B3GALT1: variants seen among roughly 807,000 people sequenced by gnomAD.
The protein encoded by B3GALT1 is UDP-Gal:betaGlcNAc beta 1,3-galactosyltransferase, polypeptide 1.
B3GALT1 carries 10 observed loss-of-function variants against 23.2 expected under a neutral mutation model. The observed-to-expected ratio is 0.43, with a 90% CI of 0.27 to 0.73. B3GALT1 has a LOEUF of 0.73. Among genes scored for constraint, B3GALT1 ranks in the 30% least tolerant of loss-of-function variants. The probability of loss-of-function intolerance (pLI) is 0.21; values close to 1 mark genes in which losing one functional copy is unlikely to be tolerated. For synonymous variants in B3GALT1, 156 were observed against 141.5 expected, an observed-to-expected ratio of 1.10 and a Z score of -0.73; for missense variants, 299 against 405.4, an observed-to-expected ratio of 0.74 and a Z score of 2.25.
At chr2:167,391,632 T>C (rs1357680670) in intron 1 of B3GALT1, among the ~76,000 whole-genome samples, 1 of 152,208 alleles carries the variant, frequency 6.6e-6, no homozygotes, top group East Asian at 1.9e-4. Flanking sequence ...TTTTAAAGTT[T>C]CCTGGTTTTA....
At chr2:167,787,024 T>C (rs1688353547) in intron 3 of B3GALT1, among the ~76,000 whole-genome samples, 1 of 152,174 alleles carries the variant, frequency 6.6e-6, no homozygotes, top group Admixed American at 6.5e-5. Flanking sequence ...TTTGATTAAC[T>C]AGAAGTAGGA....
At chr2:167,490,477 G>A (rs533748801) in intron 2 of B3GALT1, among the ~76,000 whole-genome samples, 200 bp downstream of exon 2, 3 of 152,340 alleles carry the variant, frequency 2.0e-5, no homozygotes, top group African/African-American at 7.2e-5. Context: ...TTTGGAGTAG[G>A]ATAATATGTA....
In B3GALT1 at chr2:167,367,540, A is replaced by G. The variant is rs549491650; in HGVS notation, c.-511+74206A>G. ...CATTTTTGAGGATTAAGTGAATAAG[A>G]TATCTTAGAGATTAGTTACAGGTTT... On this transcript the variant is annotated intron_variant, in intron 1 of 4. Coordinates refer to ENST00000392690, the MANE Select transcript of B3GALT1 (RefSeq NM_020981.4). Among the ~76,000 whole-genome samples, 8 of 152,290 alleles carry G rather than the reference A, an allele frequency of 5.3e-5. No individual in the cohort carries two copies. The South Asian group carries it at 1.7e-3, about 32-fold the overall frequency.
At chr2:167,694,035 T>C (rs919869088) in intron 3 of B3GALT1, among the ~76,000 whole-genome samples, 36 of 152,112 alleles carry the variant, frequency 2.4e-4, no homozygotes, top group African/African-American at 8.4e-4. Flanking sequence ...CACTCACATG[T>C]TTGGAAAAGC....
intron 2 of B3GALT1, among the ~76,000 whole-genome samples, chr2:167,629,971 T>A (rs1685410715): frequency 6.6e-6 from 1 of 150,572 alleles, no homozygotes; most frequent in South Asian, 2.1e-4. Flanking sequence ...TATGTAAAAT[T>A]AAGTATTTTC....
chr2:167,806,035 G>A (rs1001573211), intron 3 of B3GALT1, among the ~76,000 whole-genome samples: 7 of 151,994 alleles, frequency 4.6e-5, no homozygotes, highest in African/African-American at 1.2e-4. Flanking sequence ...CCTTGAAGAG[G>A]TCCTTCACAT....
intron 4 of B3GALT1, among the ~76,000 whole-genome samples, chr2:167,860,428 G>T: frequency 6.6e-6 from 1 of 151,910 alleles, no homozygotes; most frequent in East Asian, 1.9e-4. Context: ...GCTGGTTAAT[G>T]TTGGGTTTAT....
intron 3 of B3GALT1, among the ~76,000 whole-genome samples, chr2:167,651,734 GT>G (rs1189396097): frequency 3.9e-5 from 6 of 152,152 alleles, no homozygotes; most frequent in African/African-American, 1.2e-4. Context: ...CTTTTACCAC[GT>G]GCTGAGTTCA....
At chr2:167,689,600 G>A (rs1000065490) in intron 3 of B3GALT1, among the ~76,000 whole-genome samples, 1 of 152,124 alleles carries the variant, frequency 6.6e-6, no homozygotes, top group African/African-American at 2.4e-5. Context: ...GATAGGGGGA[G>A]CCATTTTAAG....
intron 3 of B3GALT1, among the ~76,000 whole-genome samples, chr2:167,730,613 C>G (rs1485381373): frequency 2.0e-5 from 3 of 152,126 alleles, no homozygotes; most frequent in Admixed American, 6.5e-5. Flanking sequence ...GGCTCCAGAC[C>G]CCGTGTCCTT....
intron 3 of B3GALT1, among the ~76,000 whole-genome samples, chr2:167,679,267 T>C (rs1179890519): frequency 6.6e-6 from 1 of 152,174 alleles, no homozygotes; most frequent in African/African-American, 2.4e-5. Context: ...TACAGGCATG[T>C]GCCACCACAC....
chr2:167,851,488 A>G (rs1689886402), intron 4 of B3GALT1, among the ~76,000 whole-genome samples: 1 of 152,180 alleles, frequency 6.6e-6, no homozygotes, highest in African/African-American at 2.4e-5. Context: ...GAGCCATGTT[A>G]TGTCTCCGTC....
At position 167,338,864 on chromosome 2, in the gene B3GALT1, A is replaced by G. The variant is rs141712998; in HGVS notation, c.-511+45530A>G. 1.5e-3 allele frequency among the ~76,000 whole-genome samples: 226 copies of G among 152,260 alleles called. 2 individuals carry two copies. In the East Asian group the frequency reaches 0.018, roughly 12 times the overall value. ...TACATTTAATCAAGAAGTCATTGATATTTAGCATATATAAAAATCCTCCAA... is the reference window on the plus strand; with the variant it reads ...TACATTTAATCAAGAAGTCATTGATGTTTAGCATATATAAAAATCCTCCAA... On this transcript the variant is annotated intron_variant, in intron 1 of 4. Coordinates refer to ENST00000392690, the MANE Select transcript of B3GALT1 (RefSeq NM_020981.4).
intron 2 of B3GALT1, among the ~76,000 whole-genome samples, chr2:167,500,806 G>A (rs1428146360): frequency 1.3e-5 from 2 of 152,136 alleles, no homozygotes; most frequent in Non-Finnish European, 2.9e-5. Flanking sequence ...TGGGGTAAGA[G>A]TAGAAAAATC....
intron 4 of B3GALT1, among the ~76,000 whole-genome samples, chr2:167,848,190 G>A (rs1160008790): frequency 2.0e-5 from 3 of 152,078 alleles, no homozygotes; most frequent in African/African-American, 7.2e-5. Context: ...CAATCCTTTT[G>A]ACACTATTGC....
chr2:167,720,845 C>T (rs1353576562), intron 3 of B3GALT1, among the ~76,000 whole-genome samples: 3 of 152,194 alleles, frequency 2.0e-5, no homozygotes, highest in Admixed American at 1.3e-4. Context: ...TTCTGACTGG[C>T]ATGTTTCTGC....
chr2:167,304,669 CAG>C (rs962233825), intron 1 of B3GALT1, among the ~76,000 whole-genome samples: 19 of 151,604 alleles, frequency 1.3e-4, no homozygotes, highest in Admixed American at 1.1e-3. Flanking sequence ...GAGACAGAGA[CAG>C]AGAGACAGAA....
rs536537169 is a variant in B3GALT1, at chr2:167,522,910, A to G, written c.-410+32633A>G. Among the ~76,000 whole-genome samples the G allele has an allele frequency of 1.1e-3, 164 of 152,332 alleles. No individual in the cohort carries two copies. In the Middle Eastern group the frequency reaches 0.014, roughly 13 times the overall value. ...ATGTACAGTAAAAGCATTCTAAAGC[A>G]TGAAGGTGCTTTCAAACAGCAAGAG... On this transcript the variant is annotated intron_variant, in intron 2 of 4. Coordinates refer to ENST00000392690, the MANE Select transcript of B3GALT1 (RefSeq NM_020981.4).
intron 1 of B3GALT1, among the ~76,000 whole-genome samples, chr2:167,429,280 CAAAAAAAA>C (rs59299487): frequency 2.3e-5 from 2 of 88,864 alleles, no homozygotes; most frequent in Non-Finnish European, 4.9e-5. Context: ...GACTCTGTCT[CAAAAAAAA>C]AAAAAAAAAA....
Sources: gnomAD v4.1 joint callset for allele counts (sites outside exome capture counted in the v4.1 genomes callset) on GRCh38, gnomAD v4.1.1 for gene constraint, MANE v1.5 for transcripts, NCBI Gene and HGNC (gene_info 2026-07-23, HGNC 2026-07-21) for gene names.